Variants in NRF1 observed in about 807,000 individuals in gnomAD.
NRF1 encodes the protein nuclear respiratory factor 1.
A neutral mutation model predicts 58.5 loss-of-function variants in NRF1; 5 were observed. That is an observed-to-expected ratio of 0.09 (90% CI 0.04 to 0.18). The LOEUF is 0.18. Ranked by LOEUF, NRF1 falls within the 10% of genes least tolerant of loss-of-function variation. NRF1 has a pLI of 1.00. For missense variants in NRF1, 288 were observed against 657.7 expected, an observed-to-expected ratio of 0.44 and a Z score of 6.15; for synonymous variants, 224 against 246.7, an observed-to-expected ratio of 0.91 and a Z score of 0.86.
intron 2 of NRF1, among the ~76,000 whole-genome samples, chr7:129,663,544 A>AG (rs1436787299): frequency 4.0e-4 from 55 of 138,676 alleles, no homozygotes; most frequent in African/African-American, 1.4e-3. Context: ...GGCCGGGCAG[A>AG]GGGCTGCTCA....
chr7:129,715,676 A>G (rs1803170210), intron 8 of NRF1, among the ~76,000 whole-genome samples: 1 of 152,214 alleles, frequency 6.6e-6, no homozygotes, highest in Non-Finnish European at 1.5e-5. Context: ...ATAGCAAAAG[A>G]CTGTAAACCA....
chr7:129,612,331 C>G (rs1415796285), intron 1 of NRF1, among the ~76,000 whole-genome samples: 1 of 151,796 alleles, frequency 6.6e-6, no homozygotes, highest in African/African-American at 2.4e-5. Flanking sequence ...TGGGGCCGGG[C>G]TGGGGCGCGG....
At chr7:129,754,847 A>C (rs1204365732) in intron 10 of NRF1, among the ~76,000 whole-genome samples, 171 bp from the exon 11 acceptor site, 1 of 152,166 alleles carries the variant, frequency 6.6e-6, no homozygotes, top group Admixed American at 6.5e-5. Flanking sequence ...TTAATGAAAA[A>C]AATTTTAATG....
chr7:129,621,365 A>G (rs751254235), intron 1 of NRF1, among the ~76,000 whole-genome samples: 5 of 152,198 alleles, frequency 3.3e-5, no homozygotes, highest in Non-Finnish European at 5.9e-5. Context: ...TATGTTGGGT[A>G]ATCTTAAACT....
At chr7:129,742,107 C>T (rs1803858203) in intron 10 of NRF1, among the ~76,000 whole-genome samples, 1 of 152,068 alleles carries the variant, frequency 6.6e-6, no homozygotes, top group Non-Finnish European at 1.5e-5. Context: ...CCTCTTTTCT[C>T]CTCCTATTGG....
chr7:129,718,461 T>C (rs2116221427), intron 9 of NRF1, among the ~76,000 whole-genome samples: 1 of 152,312 alleles, frequency 6.6e-6, no homozygotes, highest in South Asian at 2.1e-4. Flanking sequence ...AGGGCTGAAC[T>C]CTTGCGGCAT....
rs62489270 is a variant in NRF1, at chr7:129,652,311, A to T, written c.-6-5035A>T. Among the ~76,000 whole-genome samples the T allele has an allele frequency of 5.3e-3, 810 of 152,324 alleles. 2 individuals are homozygous for T. Among genetic ancestry groups the T allele is most frequent in the Non-Finnish European group, 7.7e-3 (525 of 68,026 alleles). On this transcript the variant is annotated intron_variant, in intron 1 of 10. Transcript: ENST00000393232. ...GTGTAGTGCTGTATACTGTTACATG[A>T]TAGTCAAATTTTAAATGTGTGTATA...
chr7:129,714,199 C>G (rs1262270898), intron 8 of NRF1, among the ~76,000 whole-genome samples: 1 of 152,236 alleles, frequency 6.6e-6, no homozygotes, highest in African/African-American at 2.4e-5. Context: ...CCTATTTTCT[C>G]TTCACCGTTT....
intron 10 of NRF1, among the ~76,000 whole-genome samples, chr7:129,747,063 G>A (rs1441817793): frequency 1.3e-5 from 2 of 152,184 alleles, no homozygotes; most frequent in Non-Finnish European, 2.9e-5. Context: ...GCCAGCTATG[G>A]TGCTGGATAA....
At chr7:129,678,613 A>T (rs144443623) in intron 4 of NRF1, among the ~76,000 whole-genome samples, 135 of 152,218 alleles carry the variant, frequency 8.9e-4, no homozygotes, top group African/African-American at 3.0e-3. Flanking sequence ...TACAATTAGG[A>T]TGTGTTAGGA....
intron 5 of NRF1, among the ~76,000 whole-genome samples, chr7:129,694,706 T>C (rs2402975): frequency 0.29 from 44,658 of 152,084 alleles, 8,128 homozygotes; most frequent in Non-Finnish European, 0.42. Context: ...AGACTTTCAC[T>C]ATTAATGGGA....
intron 1 of NRF1, among the ~76,000 whole-genome samples, chr7:129,624,736 G>A (rs575940474): frequency 1.1e-4 from 17 of 152,122 alleles, no homozygotes; most frequent in African/African-American, 3.6e-4. Flanking sequence ...GCTGCTCTCA[G>A]ACTCCTGTGC....
chr7:129,713,826 A>T (rs1250036017), intron 8 of NRF1, among the ~76,000 whole-genome samples: 1 of 152,242 alleles, frequency 6.6e-6, no homozygotes, highest in Non-Finnish European at 1.5e-5. Context: ...CCCTGAGCTT[A>T]GACTAGAGTG....
chr7:129,680,241 T>C (rs751233712), intron 4 of NRF1, among the ~76,000 whole-genome samples: 35 of 152,248 alleles, frequency 2.3e-4, no homozygotes, highest in Non-Finnish European at 4.4e-4. Context: ...TCCCTAATGC[T>C]GATGATTAAT....
intron 1 of NRF1, among the ~76,000 whole-genome samples, chr7:129,647,155 A>T (rs540414786): frequency 5.3e-5 from 8 of 152,042 alleles, no homozygotes; most frequent in African/African-American, 1.9e-4. Context: ...CTCCTGCCTC[A>T]GTCTCCAGAG....
intron 1 of NRF1, among the ~76,000 whole-genome samples, chr7:129,645,065 C>A (rs1480216611): frequency 6.6e-6 from 1 of 150,664 alleles, no homozygotes; most frequent in Non-Finnish European, 1.5e-5. Flanking sequence ...AAAAAAAAAT[C>A]ATGTAACTGT....
At position 129,741,198 on chromosome 7, in the gene NRF1, G is replaced by C. The variant is rs1289541354; in HGVS notation, c.1349-13820G>C. Among the ~76,000 whole-genome samples, 1 of 152,132 alleles carries C rather than the reference G, an allele frequency of 6.6e-6. No individual in the cohort carries two copies. Among genetic ancestry groups the C allele is most frequent in the Non-Finnish European group, 1.5e-5 (1 of 68,020 alleles). ...TCCTATGAACAGAACACCAATCTGA[G>C]CCAGGGACATTCCGAGCAGACAACT... On this transcript the variant is annotated intron_variant, in intron 10 of 10. Coordinates refer to ENST00000393232, the MANE Select transcript of NRF1 (RefSeq NM_005011.5). This position sits in a 1 kb window ranked among gnomAD's most constrained non-coding sequence, Gnocchi z 4.0.
At chr7:129,662,655 A>G (rs1378676260) in intron 2 of NRF1, among the ~76,000 whole-genome samples, 1 of 152,130 alleles carries the variant, frequency 6.6e-6, no homozygotes, top group Non-Finnish European at 1.5e-5. Flanking sequence ...GTATAATGTT[A>G]TCTTCCTCTA....
chr7:129,663,653 G>A (rs561561061), intron 2 of NRF1, among the ~76,000 whole-genome samples: 4 of 150,534 alleles, frequency 2.7e-5, no homozygotes, highest in Admixed American at 6.6e-5. Flanking sequence ...CGGGGCGGGC[G>A]GGCAGAGGGG....
Sources: allele counts gnomAD v4.1 joint callset (sites outside exome capture counted in the v4.1 genomes callset), GRCh38; gene constraint gnomAD v4.1.1; non-coding constraint Gnocchi (gnomAD v3.1); transcripts MANE v1.5; gene names NCBI Gene and HGNC (gene_info 2026-07-23, HGNC 2026-07-21).